The following CNTNAP3B variants were observed in gnomAD, a reference collection of about 807,000 sequenced individuals.
CNTNAP3B encodes contactin associated protein family member 3B, also known as contactin-associated protein-like 3B.
In CNTNAP3B, 25 loss-of-function variants were observed where a neutral mutation model predicts 108.9. That is an observed-to-expected ratio of 0.23 (90% CI 0.17 to 0.32). The LOEUF is 0.32. Ranked by LOEUF, CNTNAP3B falls within the 10% of genes least tolerant of loss-of-function variation. The probability of loss-of-function intolerance (pLI) is 1.00; values close to 1 mark genes in which losing one functional copy is unlikely to be tolerated. For missense variants in CNTNAP3B, 252 were observed against 1,210.4 expected, an observed-to-expected ratio of 0.21 and a Z score of 11.75; for synonymous variants, 103 against 473.4, an observed-to-expected ratio of 0.22 and a Z score of 10.16.
At chr9:41,948,429 C>G (rs1410837424) in intron 13 of CNTNAP3B, among the ~76,000 whole-genome samples, 1 of 151,756 alleles carries the variant, frequency 6.6e-6, no homozygotes, top group Non-Finnish European at 1.5e-5. Context: ...AAATTAAAGT[C>G]AATTTTACAT....
At chr9:42,055,425 T>C (rs1394108102) in intron 3 of CNTNAP3B, among the ~76,000 whole-genome samples, 2 of 143,756 alleles carry the variant, frequency 1.4e-5, no homozygotes, top group African/African-American at 5.4e-5. Flanking sequence ...TTCTCAAGGC[T>C]GCATGCTATT....
At position 42,061,363 on chromosome 9, in the gene CNTNAP3B, G is replaced by A. The variant is rs1335168880; in HGVS notation, c.390+15506C>T. ...TGAGACAGTCTCGCTCTGTCACCAG[G>A]CTGCAGTGCAGTGGCACGAGCTTGG... On this transcript the variant is annotated intron_variant, in intron 3 of 23. Transcript: ENST00000377561. Among the ~76,000 whole-genome samples the A allele has an allele frequency of 5.0e-4, 65 of 130,432 alleles. 2 individuals are homozygous for A. The East Asian group carries it at 0.014, about 29-fold the overall frequency. 85.6% of individuals were successfully genotyped at this position (130,432 alleles called of 152,430 possible).
intron 15 of CNTNAP3B, chr9:41,926,629 G>T (rs907523568): frequency 6.6e-6 from 1 of 152,302 alleles, no homozygotes; most frequent in Admixed American, 6.5e-5. Flanking sequence ...CTAATTTTTA[G>T]TTTTTTTGTA....
At chr9:41,995,894 G>T (rs1415989243) in intron 7 of CNTNAP3B, among the ~76,000 whole-genome samples, 1 of 144,128 alleles carries the variant, frequency 6.9e-6, no homozygotes, top group Non-Finnish European at 1.5e-5. Context: ...AAATTAGCTG[G>T]GCATGGTGGC....
intron 11 of CNTNAP3B, among the ~76,000 whole-genome samples, chr9:41,962,116 ATATT>A (rs1178788955): frequency 1.3e-5 from 2 of 152,246 alleles, no homozygotes; most frequent in Non-Finnish European, 2.9e-5. Flanking sequence ...TGTATAGTAT[ATATT>A]AATTGAATAC....
At chr9:42,070,370 C>A (rs568956530) in intron 3 of CNTNAP3B, among the ~76,000 whole-genome samples, 92 of 149,954 alleles carry the variant, frequency 6.1e-4, no homozygotes, top group African/African-American at 2.2e-3. Flanking sequence ...CAGCCAGAGG[C>A]TGAATGAAGG....
intron 13 of CNTNAP3B, among the ~76,000 whole-genome samples, chr9:41,948,395 G>A (rs1824590328): frequency 6.6e-6 from 1 of 152,204 alleles, no homozygotes; most frequent in African/African-American, 2.4e-5. Flanking sequence ...CCTTACTGGA[G>A]AATTCTACCA....
chr9:42,117,979 A>G (rs28895909), intron 1 of CNTNAP3B, among the ~76,000 whole-genome samples: 55,251 of 131,688 alleles, frequency 0.42, 15,710 homozygotes, highest in East Asian at 0.67. Context: ...AAACCAGGAA[A>G]AAGTTGAATC....
At chr9:41,950,620 A>T (rs1371613549) in intron 13 of CNTNAP3B, among the ~76,000 whole-genome samples, 2 of 149,432 alleles carry the variant, frequency 1.3e-5, no homozygotes, top group Non-Finnish European at 3.0e-5. Context: ...GAGTGAAAAA[A>T]ACTCAACCAC....
At position 42,109,121 on chromosome 9, in the gene CNTNAP3B, G is replaced by T. The variant is rs1160325353; in HGVS notation, c.86-4382C>A. ...ATTCTTGCACTTATTTAATAAAAGTGTATTGAGCACCTACCATGTTCAAAG... is the reference window on the plus strand; with the variant it reads ...ATTCTTGCACTTATTTAATAAAAGTTTATTGAGCACCTACCATGTTCAAAG... On this transcript the variant is annotated intron_variant, in intron 1 of 23. Transcript: ENST00000377561. Among the ~76,000 whole-genome samples the T allele has an allele frequency of 2.9e-5, 4 of 138,894 alleles. 1 individual carries two copies. The highest frequency in any genetic ancestry group is 7.2e-5 in the Admixed American group (1 of 13,946). The allele number at this position is 138,894 out of a possible 152,430, so 91.1% of individuals were successfully genotyped here.
intron 10 of CNTNAP3B, among the ~76,000 whole-genome samples, chr9:41,968,000 C>T (rs1318010912): frequency 2.6e-5 from 4 of 152,232 alleles, no homozygotes; most frequent in Non-Finnish European, 5.9e-5. Flanking sequence ...TCTTAGAGAC[C>T]AAGTTAGGCA....
intron 3 of CNTNAP3B, among the ~76,000 whole-genome samples, chr9:42,056,329 ATTAT>A (rs1428549118): frequency 1.6e-5 from 1 of 62,332 alleles, no homozygotes; most frequent in Non-Finnish European, 2.8e-5. Context: ...CATGAATTTT[ATTAT>A]TATTATTATT....
At chr9:42,109,401 T>C (rs1230356101) in intron 1 of CNTNAP3B, among the ~76,000 whole-genome samples, 2 of 147,154 alleles carry the variant, frequency 1.4e-5, no homozygotes, top group Non-Finnish European at 3.0e-5. Flanking sequence ...CCATGCATTT[T>C]CAAACAGCAA....
At chr9:42,090,805 C>T (rs1208081017) in intron 2 of CNTNAP3B, among the ~76,000 whole-genome samples, 1 of 83,674 alleles carries the variant, frequency 1.2e-5, no homozygotes, top group African/African-American at 4.5e-5. Flanking sequence ...CACACTCACA[C>T]TGACCGTATA....
chr9:41,964,917 T>C (rs1435775861), intron 10 of CNTNAP3B, among the ~76,000 whole-genome samples: 1 of 152,270 alleles, frequency 6.6e-6, no homozygotes, highest in Non-Finnish European at 1.5e-5. Context: ...TAACTTGACA[T>C]GTGGCTAGCA....
rs572545326 is a variant in CNTNAP3B at position 41,956,372 on chromosome 9, C to T, written c.1877-2986G>A. Among the ~76,000 whole-genome samples, 16 of 152,254 alleles carry T rather than the reference C, an allele frequency of 1.1e-4. No homozygotes were observed. The East Asian group carries it at 1.9e-3, about 18-fold the overall frequency. On this transcript the variant is annotated intron_variant, in intron 12 of 23. Transcript: ENST00000377561. ...CTGTACTCCAGCCTGGGTGACAGAG[C>T]AAGCCTCTGTCTCAAAATAATAATA...
intron 3 of CNTNAP3B, among the ~76,000 whole-genome samples, chr9:42,031,114 A>T (rs1826517254): frequency 4.9e-5 from 4 of 81,738 alleles, no homozygotes; most frequent in Middle Eastern, 5.0e-3. Context: ...TCACCAAAAT[A>T]TCCTTTTCAT....
In CNTNAP3B at chr9:42,085,304, G is replaced by T. The variant is rs546013185; in HGVS notation, c.197-8242C>A. ...ATGTATCTATCCAGTTGTATGACAC[G>T]TTTAGGGTCCGTAACCCCCACCACA... On this transcript the variant is annotated intron_variant, in intron 2 of 23. Coordinates refer to ENST00000377561, the MANE Select transcript of CNTNAP3B (RefSeq NM_001201380.3). 1.3e-4 allele frequency among the ~76,000 whole-genome samples: 19 copies of T among 149,866 alleles called. No individual in the cohort carries two copies. The East Asian group carries it at 3.4e-3, about 27-fold the overall frequency.
intron 1 of CNTNAP3B, among the ~76,000 whole-genome samples, chr9:42,126,942 T>C (rs1449274258): frequency 7.2e-6 from 1 of 138,494 alleles, no homozygotes; most frequent in African/African-American, 2.9e-5. Context: ...GCCAATGTGC[T>C]TCTGGAAAAC....
Sources: allele counts gnomAD v4.1 joint callset (sites outside exome capture counted in the v4.1 genomes callset), GRCh38; gene constraint gnomAD v4.1.1; transcripts MANE v1.5; gene names NCBI Gene and HGNC (gene_info 2026-07-23, HGNC 2026-07-21).